CTNNA2: variants seen among roughly 807,000 people sequenced by gnomAD.
The protein encoded by CTNNA2 is catenin alpha-2.
A neutral mutation model predicts 101.0 loss-of-function variants in CTNNA2; 42 were observed. The observed-to-expected ratio is 0.42, with a 90% CI of 0.32 to 0.54. The LOEUF is 0.54. CTNNA2 is among the 20% of genes least tolerant of loss of function. The pLI is 0.14. For synonymous variants in CTNNA2, 450 were observed against 456.4 expected, an observed-to-expected ratio of 0.99 and a Z score of 0.18; for missense variants, 871 against 1,223.1, an observed-to-expected ratio of 0.71 and a Z score of 4.29.
intron 14 of CTNNA2, among the ~76,000 whole-genome samples, chr2:80,588,604 A>G (rs553340265): frequency 3.9e-5 from 6 of 152,226 alleles, no homozygotes; most frequent in African/African-American, 1.2e-4. Context: ...CTTACCTAGC[A>G]GTTATTGAAA....
At chr2:80,313,656 T>C in intron 7 of CTNNA2, 1 of 1,602,246 alleles carries the variant, frequency 6.2e-7, no homozygotes, top group East Asian at 2.2e-5. Context: ...GGAGCACAGG[T>C]ATGCAGGAGA....
At chr2:79,229,793 A>G (rs1674466377) in intron 2 of CTNNA2, among the ~76,000 whole-genome samples, 1 of 152,226 alleles carries the variant, frequency 6.6e-6, no homozygotes, top group African/African-American at 2.4e-5. Context: ...CAATATGGAC[A>G]ATAAAGTCCA....
At chr2:79,486,821 T>A (rs1671163127) in intron 4 of CTNNA2, among the ~76,000 whole-genome samples, 1 of 152,190 alleles carries the variant, frequency 6.6e-6, no homozygotes, top group Admixed American at 6.5e-5. Flanking sequence ...TTATTTAAAA[T>A]GATTATACCG....
At chr2:80,507,425 G>A (rs1335029089) in intron 9 of CTNNA2, among the ~76,000 whole-genome samples, 1 of 152,158 alleles carries the variant, frequency 6.6e-6, no homozygotes, top group Non-Finnish European at 1.5e-5. Flanking sequence ...TTCTCATAAT[G>A]TAAAACTACT....
chr2:79,577,172 C>CT (rs1327727942), intron 1 of CTNNA2, among the ~76,000 whole-genome samples: 1 of 152,022 alleles, frequency 6.6e-6, no homozygotes, highest in Non-Finnish European at 1.5e-5. Flanking sequence ...TAACTGGACT[C>CT]TAAGAAATAT....
At chr2:79,347,724 T>G (rs1480464483) in intron 3 of CTNNA2, among the ~76,000 whole-genome samples, 1 of 152,004 alleles carries the variant, frequency 6.6e-6, no homozygotes, top group Non-Finnish European at 1.5e-5. Flanking sequence ...CTACTACATC[T>G]GACCACTCTA....
intron 1 of CTNNA2, among the ~76,000 whole-genome samples, chr2:79,560,878 T>A (rs1020553766): frequency 6.6e-5 from 10 of 151,912 alleles, no homozygotes; most frequent in African/African-American, 2.4e-4. Flanking sequence ...TAATAATTCC[T>A]GAGATTTTTG....
At chr2:79,691,291 A>T (rs1432931723) in intron 2 of CTNNA2, among the ~76,000 whole-genome samples, 1 of 151,982 alleles carries the variant, frequency 6.6e-6, no homozygotes, top group Non-Finnish European at 1.5e-5. Context: ...TATTTTCCAA[A>T]TCATTTAATT....
At chr2:80,509,514 G>GA (rs1688534895) in intron 9 of CTNNA2, among the ~76,000 whole-genome samples, 1 of 152,254 alleles carries the variant, frequency 6.6e-6, no homozygotes, top group Non-Finnish European at 1.5e-5. Context: ...ATTGAGCTCA[G>GA]AAAAAAGGCA....
At chr2:80,012,227 A>T (rs1558727272) in intron 7 of CTNNA2, among the ~76,000 whole-genome samples, 1 of 152,180 alleles carries the variant, frequency 6.6e-6, no homozygotes, top group Non-Finnish European at 1.5e-5. Context: ...TGAGGGTTCG[A>T]TGGCTGTAAT....
chr2:80,464,627 A>C (rs950273091), intron 9 of CTNNA2, among the ~76,000 whole-genome samples: 1 of 152,274 alleles, frequency 6.6e-6, no homozygotes, highest in East Asian at 1.9e-4. Context: ...TTTGTCATTA[A>C]GTTTTTTTCT....
intron 7 of CTNNA2, chr2:80,304,060 G>A (rs1451824315): frequency 2.1e-5 from 9 of 428,508 alleles, no homozygotes; most frequent in Non-Finnish European, 3.7e-5. Context: ...CAAAGAGATG[G>A]TGATTTGGTC....
chr2:79,935,723 G>A (rs1019208052), intron 7 of CTNNA2, among the ~76,000 whole-genome samples: 7 of 152,182 alleles, frequency 4.6e-5, no homozygotes, highest in African/African-American at 1.7e-4. Context: ...TTTACAAATT[G>A]TCCCTCTAAA....
intron 1 of CTNNA2, among the ~76,000 whole-genome samples, chr2:79,191,515 G>A (rs1296484354): frequency 6.6e-6 from 1 of 152,138 alleles, no homozygotes; most frequent in East Asian, 1.9e-4. Context: ...AACTTGTAAT[G>A]CCTACCATGA....
intron 3 of CTNNA2, among the ~76,000 whole-genome samples, chr2:79,368,420 C>T (rs917029912): frequency 1.3e-5 from 2 of 152,178 alleles, no homozygotes; most frequent in African/African-American, 4.8e-5. Context: ...TAAAGCCTTC[C>T]CACAGTGTCA....
intron 4 of CTNNA2, among the ~76,000 whole-genome samples, chr2:79,865,193 A>G (rs956158717): frequency 2.6e-5 from 4 of 152,132 alleles, no homozygotes; most frequent in Admixed American, 6.5e-5. Context: ...CTTGTTGACA[A>G]GGAAAGACAC....
Position 79,717,480 on chromosome 2 carries a change from G to A in CTNNA2, c.103-26907G>A, listed in dbSNP as rs535028252. ...GGCTGCATGAAAGCAGTCTGGGTAT[G>A]CTAGGCCAGGGAGGAGGCAGCCACA... is the stretch of plus-strand genomic sequence containing the variant. On this transcript the variant is annotated intron_variant, in intron 2 of 18. Transcript: ENST00000402739. 2.0e-5 allele frequency among the ~76,000 whole-genome samples: 3 copies of A among 152,296 alleles called. No individual in the cohort carries two copies. In the East Asian group the frequency reaches 5.8e-4, roughly 29 times the overall value.
At chr2:80,625,130 A>G (rs991017650) in intron 18 of CTNNA2, among the ~76,000 whole-genome samples, 1 of 152,028 alleles carries the variant, frequency 6.6e-6, no homozygotes, top group Non-Finnish European at 1.5e-5. Context: ...TATAAGAGTG[A>G]TATTGCTATT....
chr2:79,585,768 C>T (rs1004464371), intron 1 of CTNNA2, among the ~76,000 whole-genome samples: 3 of 151,578 alleles, frequency 2.0e-5, no homozygotes, highest in Non-Finnish European at 4.4e-5. Flanking sequence ...CCCTTAGGAG[C>T]AATTTTCTCC....
Sources: allele counts gnomAD v4.1 joint callset (sites outside exome capture counted in the v4.1 genomes callset), GRCh38; gene constraint gnomAD v4.1.1; transcripts MANE v1.5; gene names NCBI Gene and HGNC (gene_info 2026-07-23, HGNC 2026-07-21).